ABR: variants seen among roughly 807,000 people sequenced by gnomAD.
ABR encodes ABR activator of RhoGEF and GTPase, also known as active breakpoint cluster region-related protein.
Under a neutral mutation model 107.2 loss-of-function variants are expected in ABR, and 35 were observed. The ratio of observed to expected loss-of-function variants is 0.33; its 90% CI spans 0.25 to 0.43. The LOEUF is 0.43. Ranked by LOEUF, ABR falls within the 20% of genes least tolerant of loss-of-function variation. The pLI is 1.00. For synonymous variants in ABR, 498 were observed against 462.0 expected (o/e 1.08, Z -1.00); for missense variants, 815 against 1,115.2 (o/e 0.73, Z 3.83).
chr17:1,194,598 C>G (rs1450042788), intron 1 of ABR, among the ~76,000 whole-genome samples: 2 of 128,792 alleles, frequency 1.6e-5, no homozygotes, highest in African/African-American at 5.3e-5. Flanking sequence ...CTCAAGCCAT[C>G]CCCCTGCCTC....
chr17:1,135,136 C>T (rs2040001796), intron 1 of ABR, among the ~76,000 whole-genome samples: 1 of 152,118 alleles, frequency 6.6e-6, no homozygotes, highest in Non-Finnish European at 1.5e-5. Context: ...TGGGAAACAG[C>T]AGGGCCCCTG....
chr17:1,127,518 C>T (rs564473098), intron 1 of ABR, among the ~76,000 whole-genome samples: 17 of 152,276 alleles, frequency 1.1e-4, no homozygotes, highest in South Asian at 6.2e-4. Context: ...AGGGCCTGGC[C>T]GTTTGGTGAC....
intron 4 of ABR, 197 bp from the exon 5 acceptor site, chr17:1,083,824 G>A (rs2036421696): frequency 1.8e-6 from 1 of 567,506 alleles, no homozygotes; most frequent in Non-Finnish European, 3.2e-6. Flanking sequence ...ATGGAAACCA[G>A]CTCAGCCAAT....
chr17:1,091,863 G>C lies in ABR; in HGVS notation c.346-13C>G, dbSNP rs2151298427. ...GGGGTTTCATGGGCTGGGAGAAACA[G>C]AGGAAGAAAGAGCAGAGGTCGGGGG... On this transcript the variant is annotated splice_polypyrimidine_tract_variant and intron_variant, in intron 3 of 22. Transcript: ENST00000302538. 6.2e-7 allele frequency: 1 copy of C among 1,609,292 alleles called. No individual in the cohort carries two copies.
intron 1 of ABR, among the ~76,000 whole-genome samples, chr17:1,135,817 A>G (rs11651025): frequency 6.6e-6 from 1 of 152,044 alleles, no homozygotes; most frequent in South Asian, 2.1e-4. Context: ...CGGAGGTTGC[A>G]GTGAGGCAAG....
At chr17:1,021,237 G>A (rs181186125) in intron 16 of ABR, among the ~76,000 whole-genome samples, 65 of 152,322 alleles carry the variant, frequency 4.3e-4, no homozygotes, top group African/African-American at 5.8e-4. Context: ...ACTGGACGAC[G>A]GGAATCTGAA....
At chr17:1,090,573 G>C (rs144057920) in intron 4 of ABR, among the ~76,000 whole-genome samples, 1 of 152,148 alleles carries the variant, frequency 6.6e-6, no homozygotes, top group Non-Finnish European at 1.5e-5. Context: ...TGAAGCACTC[G>C]GTGAGGTAAA....
rs894382537 is a variant in ABR at position 1,078,035 on chromosome 17, T to G, written c.700+1295A>C. ...TGATGACATGCACCTGTCCCGGGAC[T>G]TCCCCCCAGCCCCCAGCCAGCTGCG... On this transcript the variant is annotated intron_variant, in intron 6 of 22. Transcript: ENST00000302538. The surrounding 1 kb of genome is among the most constrained non-coding windows in gnomAD (Gnocchi z 7.5). Among the ~76,000 whole-genome samples, 1 of 42,570 alleles carries G rather than the reference T, an allele frequency of 2.3e-5. No individual in the cohort carries two copies. The highest frequency in any genetic ancestry group is 4.2e-5 in the Non-Finnish European group (1 of 23,616). The allele number at this position is 42,570 out of a possible 152,430, so 27.9% of individuals were successfully genotyped here.
In ABR at chr17:1,005,914, A is replaced by G. The variant is rs2069988717; in HGVS notation, c.*166T>C. ...GCTGGGGCTGGGCAGCCGGCTTTGT[A>G]CAAGGTGGCACAAAAGACGTACGCA... On this transcript the variant is annotated 3_prime_UTR_variant, in exon 23 of 23. Coordinates refer to ENST00000302538, the MANE Select transcript of ABR (RefSeq NM_021962.5). 3 of 682,186 alleles carry G rather than the reference A, an allele frequency of 4.4e-6. No homozygotes were observed. Among genetic ancestry groups the G allele is most frequent in the East Asian group, 2.7e-5 (1 of 36,826 alleles). 42.3% of individuals were successfully genotyped at this position (682,186 alleles called of 1,614,324 possible).
At chr17:1,155,409 G>A (rs1036429854) in intron 1 of ABR, among the ~76,000 whole-genome samples, 1 of 152,072 alleles carries the variant, frequency 6.6e-6, no homozygotes, top group African/African-American at 2.4e-5. Flanking sequence ...ACTCTAAATG[G>A]ATCAAAGACC....
intron 2 of ABR, 184 bp from the exon 3 acceptor site, chr17:1,100,919 G>A: frequency 4.9e-6 from 3 of 608,626 alleles, no homozygotes; most frequent in Non-Finnish European, 8.8e-6. Context: ...CGCCTCCCGG[G>A]TTCCAGTGAT....
At chr17:1,152,785 G>A (rs2040851772) in intron 1 of ABR, among the ~76,000 whole-genome samples, 1 of 151,862 alleles carries the variant, frequency 6.6e-6, no homozygotes, top group East Asian at 2.0e-4. Context: ...GCTTTGTCAC[G>A]TGGTTAACAA....
intron 16 of ABR, among the ~76,000 whole-genome samples, chr17:1,049,093 A>G (rs1286354150): frequency 6.6e-6 from 1 of 152,190 alleles, no homozygotes; most frequent in Non-Finnish European, 1.5e-5. Flanking sequence ...AGAATGTTTC[A>G]GAGACACAGG....
At chr17:1,183,729 C>A (rs570828491), upstream of ABR, among the ~76,000 whole-genome samples, 1 of 152,132 alleles carries the variant, frequency 6.6e-6, no homozygotes, top group Non-Finnish European at 1.5e-5. Context: ...CAGAGGTCAC[C>A]GCTGATGACA....
At position 1,005,827 on chromosome 17, in the gene ABR, C is replaced by A. The variant is rs1470429644; in HGVS notation, c.*253G>T. The stretch of plus-strand genomic sequence containing the variant: ...AAGTGTACATAAAACAATTCCCGAA[C>A]AGCACGGAGCATCAGACACAACTAG... On this transcript the variant is annotated 3_prime_UTR_variant, in exon 23 of 23. Transcript: ENST00000302538. 5.4e-6 allele frequency: 3 copies of A among 554,560 alleles called. No individual in the cohort carries two copies. The highest frequency in any genetic ancestry group is 9.7e-6 in the Non-Finnish European group (3 of 309,434). The allele number at this position is 554,560 out of a possible 1,614,324, so 34.4% of individuals were successfully genotyped here. A position where few individuals can be genotyped will look rare whatever the true frequency, so the allele number is the denominator to read the frequency against.
At chr17:1,039,838 A>G (rs2030014738) in intron 16 of ABR, among the ~76,000 whole-genome samples, 1 of 152,130 alleles carries the variant, frequency 6.6e-6, no homozygotes, top group African/African-American at 2.4e-5. Flanking sequence ...GGGGCCTGAC[A>G]TGCACTCCTG....
rs551303362 is a variant in ABR, at chr17:1,096,874, G to A, written c.345+3763C>T. Among the ~76,000 whole-genome samples, 191 of 142,882 alleles carry A rather than the reference G, an allele frequency of 1.3e-3. 1 individual carries two copies. Among genetic ancestry groups the A allele is most frequent in the Non-Finnish European group, 2.5e-3 (161 of 65,690 alleles). 93.7% of individuals were successfully genotyped at this position (142,882 alleles called of 152,430 possible). ...AGAGAGCTGGGGAATGGGGGAACCT[G>A]CCCCAGGAGGAGACAGCTGGGGAAG... On this transcript the variant is annotated intron_variant, in intron 3 of 22. Coordinates refer to ENST00000302538, the MANE Select transcript of ABR (RefSeq NM_021962.5).
chr17:1,091,566 G>T, intron 4 of ABR, 99 bp downstream of exon 4: 1 of 1,361,280 alleles, frequency 7.3e-7, no homozygotes, highest in African/African-American at 1.5e-5. Flanking sequence ...GGCCTTCAAG[G>T]AGTCCGAGAG....
chr17:1,198,511 G>A (rs1301716301), intron 1 of ABR, among the ~76,000 whole-genome samples: 1 of 151,424 alleles, frequency 6.6e-6, no homozygotes, highest in East Asian at 1.9e-4. Context: ...GGGAGGCTGA[G>A]GCGGGTGGAT....
Sources: allele counts gnomAD v4.1 joint callset (sites outside exome capture counted in the v4.1 genomes callset), GRCh38; gene constraint gnomAD v4.1.1; non-coding constraint Gnocchi (gnomAD v3.1); transcripts MANE v1.5; gene names NCBI Gene and HGNC (gene_info 2026-07-23, HGNC 2026-07-21).